Variants in TRPM8 observed in about 807,000 individuals in gnomAD.
TRPM8 encodes TRPM8 cationic channel.
In TRPM8, 110 loss-of-function variants were observed where a neutral mutation model predicts 133.7. That is an observed-to-expected ratio of 0.82 (90% CI 0.70 to 0.96). The LOEUF (loss-of-function observed/expected upper bound fraction) is 0.96, where lower values mean the gene tolerates loss of function less well. Ranked by LOEUF, TRPM8 falls within the 40% of genes least tolerant of loss-of-function variation. The pLI is 0.00. For missense variants in TRPM8, 1,291 were observed against 1,379.5 expected (o/e 0.94, Z 1.02); for synonymous variants, 535 against 532.3 (o/e 1.01, Z -0.07).
Position 233,963,359 on chromosome 2 carries a change from CA to C in TRPM8, c.1734del (p.Val579SerfsTer20). The stretch of plus-strand genomic sequence containing the variant: ...TTCTTCAGAATAAGAAGGAACTCTC[CA>C]AAGTCATTTGGGAGCAGGTAAGTGC... ...AILQNKKELS[K>X]VIWEQTRGCT... On this transcript the variant is annotated frameshift_variant, in exon 13 of 26. Transcript: ENST00000324695. LOFTEE classifies it high-confidence loss of function. The C allele has an allele frequency of 6.2e-7, 1 of 1,612,154 alleles. No homozygotes were observed. Among genetic ancestry groups the C allele is most frequent in the Non-Finnish European group, 8.5e-7 (1 of 1,178,892 alleles).
chr2:233,981,048 T>C (rs1691994687), intron 18 of TRPM8, among the ~76,000 whole-genome samples: 1 of 152,194 alleles, frequency 6.6e-6, no homozygotes, highest in Non-Finnish European at 1.5e-5. Flanking sequence ...TGTTTCAATT[T>C]TTTAAAAAAT....
chr2:233,960,686 TAC>T (rs1346188642), intron 11 of TRPM8, 88 bp from the exon 12 acceptor site: 11 of 960,660 alleles, frequency 1.1e-5, no homozygotes, highest in African/African-American at 1.6e-5. Flanking sequence ...TGGCTGGAAA[TAC>T]AGTGCTACTG....
intron 20 of TRPM8, among the ~76,000 whole-genome samples, chr2:233,984,041 G>A (rs534674775): frequency 3.9e-5 from 6 of 152,286 alleles, no homozygotes; most frequent in Non-Finnish European, 7.4e-5. Context: ...TGTGCCTGCC[G>A]CTTTACAGAA....
chr2:233,936,891 C>CTT (rs5839499), intron 3 of TRPM8, among the ~76,000 whole-genome samples: 286 of 101,260 alleles, frequency 2.8e-3, no homozygotes, highest in African/African-American at 7.0e-3. Context: ...TCTTTCTTTC[C>CTT]TTTTTTTTTT....
chr2:234,011,796 A>G (rs921813011), intron 24 of TRPM8, among the ~76,000 whole-genome samples: 1 of 151,004 alleles, frequency 6.6e-6, no homozygotes, highest in Non-Finnish European at 1.5e-5. Flanking sequence ...AGGCACCTGT[A>G]GTCCCAGCTA....
At chr2:233,924,396 G>C (rs1277722421) in intron 1 of TRPM8, among the ~76,000 whole-genome samples, 1 of 152,136 alleles carries the variant, frequency 6.6e-6, no homozygotes, top group Non-Finnish European at 1.5e-5. Flanking sequence ...ACTCTCCAGG[G>C]ACCCAGCTGC....
intron 20 of TRPM8, chr2:233,983,473 C>A: frequency 2.0e-6 from 1 of 492,950 alleles, no homozygotes; most frequent in Non-Finnish European, 3.8e-6. Flanking sequence ...CTGGTATTTT[C>A]AATTAACAAT....
At chr2:233,945,629 A>G (rs1691021880) in intron 6 of TRPM8, among the ~76,000 whole-genome samples, 1 of 152,216 alleles carries the variant, frequency 6.6e-6, no homozygotes, top group African/African-American at 2.4e-5. Context: ...CTGGCCATTT[A>G]TGAGAAAATG....
chr2:233,917,808 G>A (rs976470446), intron 1 of TRPM8, among the ~76,000 whole-genome samples: 26 of 131,954 alleles, frequency 2.0e-4, no homozygotes, highest in African/African-American at 9.6e-4. Flanking sequence ...ATCCTATTGG[G>A]AACATAATAA....
chr2:234,006,293 A>G (rs1692692925), intron 22 of TRPM8, among the ~76,000 whole-genome samples: 2 of 152,170 alleles, frequency 1.3e-5, no homozygotes, highest in African/African-American at 4.8e-5. Context: ...ATTGAACTAA[A>G]AATCTTACTG....
chr2:233,994,912 G>C (rs1021389638), intron 21 of TRPM8, among the ~76,000 whole-genome samples: 1 of 152,280 alleles, frequency 6.6e-6, no homozygotes, highest in Middle Eastern at 3.4e-3. Flanking sequence ...AAAATGTCTT[G>C]GATGGTTGAA....
intron 21 of TRPM8, among the ~76,000 whole-genome samples, chr2:233,986,285 T>C (rs1179502721): frequency 6.6e-6 from 1 of 152,252 alleles, no homozygotes; most frequent in Non-Finnish European, 1.5e-5. Context: ...ATTACTGTTT[T>C]AAATTTTTCA....
At chr2:233,956,622 A>T (rs1180901806) in intron 11 of TRPM8, among the ~76,000 whole-genome samples, 1 of 152,254 alleles carries the variant, frequency 6.6e-6, no homozygotes, top group African/African-American at 2.4e-5. Context: ...TTCTTGGCAG[A>T]CAGGGTCAGA....
chr2:233,938,294 T>C (rs1239863598), intron 4 of TRPM8, among the ~76,000 whole-genome samples: 1 of 152,232 alleles, frequency 6.6e-6, no homozygotes, highest in Non-Finnish European at 1.5e-5. Context: ...GTTCTCCACC[T>C]CGCCTGTGGG....
At chr2:233,970,583 A>G in intron 17 of TRPM8, 157 bp downstream of exon 17, 1 of 674,654 alleles carries the variant, frequency 1.5e-6, no homozygotes, top group East Asian at 2.6e-5. Flanking sequence ...GTGAAGGTGC[A>G]TTTTCATACC....
rs778620663 is a variant in TRPM8, at chr2:233,930,758, C to T, written c.191+17C>T. 12 of 1,582,056 alleles carry T rather than the reference C, an allele frequency of 7.6e-6. No homozygotes were observed. In the African/African-American group the frequency reaches 1.5e-4, roughly 20 times the overall value. ...CAAGGCCACGTAAGCTACTATTTTCCCTCCAGTTTTGCTTTCCAAGTTCAA... is the reference window on the plus strand; with the variant it reads ...CAAGGCCACGTAAGCTACTATTTTCTCTCCAGTTTTGCTTTCCAAGTTCAA... On this transcript the variant is annotated intron_variant, in intron 3 of 25. Transcript: ENST00000324695.
Position 233,969,730 on chromosome 2 carries a change from C to G in TRPM8, c.2061C>G (p.Ser687=), listed in dbSNP as rs201255147. ...FLSKQWYGEI[S]RDTKNWKIIL... is the part of the protein sequence containing the mutation. Reference sequence around the variant, plus strand: ...CTAAGCAATGGTATGGAGAGATTTCCCGAGACACCAAGAACTGGAAGATTA... The same window carrying G: ...CTAAGCAATGGTATGGAGAGATTTCGCGAGACACCAAGAACTGGAAGATTA... Residue 687 remains serine (S), a synonymous_variant, in exon 16 of 26, where the codon TCC becomes TCG. Transcript: ENST00000324695. The G allele has an allele frequency of 2.3e-4, 369 of 1,613,578 alleles. No homozygotes were observed. Among genetic ancestry groups the G allele is most frequent in the Non-Finnish European group, 2.9e-4 (339 of 1,179,716 alleles).
At chr2:233,943,028 T>C in intron 6 of TRPM8, 1 of 531,088 alleles carries the variant, frequency 1.9e-6, no homozygotes, top group Non-Finnish European at 3.3e-6. Context: ...AACTATGGCT[T>C]ACATCCATCT....
At chr2:234,006,267 T>C (rs1433247513) in intron 22 of TRPM8, among the ~76,000 whole-genome samples, 1 of 152,198 alleles carries the variant, frequency 6.6e-6, no homozygotes, top group Non-Finnish European at 1.5e-5. Context: ...TCTGAAAGGC[T>C]CAGGCACCAT....
Sources: gnomAD v4.1 joint callset for allele counts (sites outside exome capture counted in the v4.1 genomes callset) on GRCh38, gnomAD v4.1.1 for gene constraint, MANE v1.5 for transcripts, NCBI Gene and HGNC (gene_info 2026-07-23, HGNC 2026-07-21) for gene names.